The following XPC variants were observed in gnomAD, a reference collection of about 807,000 sequenced individuals.
XPC encodes the protein XPC complex subunit, DNA damage recognition and repair factor, also known as DNA repair protein complementing XP-C cells.
XPC carries 76 observed loss-of-function variants against 95.8 expected under a neutral mutation model. That is an observed-to-expected ratio of 0.79 (90% CI 0.66 to 0.96). The LOEUF is 0.96. XPC is among the 40% of genes least tolerant of loss of function. The pLI is 0.00. For missense variants in XPC, 1,146 were observed against 1,179.8 expected, an observed-to-expected ratio of 0.97 and a Z score of 0.42; for synonymous variants, 442 against 442.1, an observed-to-expected ratio of 1.00 and a Z score of 0.00.
chr3:14,161,307 A>C (rs1177789505), intron 7 of XPC, among the ~76,000 whole-genome samples: 2 of 152,216 alleles, frequency 1.3e-5, no homozygotes, highest in Non-Finnish European at 2.9e-5. Flanking sequence ...AAACGTTAGA[A>C]GAGGAAATAT....
intron 9 of XPC, among the ~76,000 whole-genome samples, chr3:14,157,326 T>C (rs993136246): frequency 6.6e-6 from 1 of 152,134 alleles, no homozygotes; most frequent in Non-Finnish European, 1.5e-5. Context: ...AATTTACCTA[T>C]CCTGAGGGAT....
At chr3:14,175,436 T>C (rs1389145308) in intron 1 of XPC, among the ~76,000 whole-genome samples, 2 of 152,302 alleles carry the variant, frequency 1.3e-5, no homozygotes, top group Non-Finnish European at 2.9e-5. Context: ...CTTATCATCA[T>C]GTGAATCCGT....
chr3:14,178,253 G>C lies in XPC; in HGVS notation c.103+213C>G, dbSNP rs111768011. On this transcript the variant is annotated intron_variant, in intron 1 of 15. Coordinates refer to ENST00000285021, the MANE Select transcript of XPC (RefSeq NM_004628.5). ...AAAAAGCTACGCAGGAGCTTGGATC[G>C]GGCGAAGCTCGCGGGAAACCGCTCT... 2,652 of 559,608 alleles carry C rather than the reference G, an allele frequency of 4.7e-3. 11 individuals are homozygous for C. The highest frequency in any genetic ancestry group is 6.5e-3 in the Non-Finnish European group (2,139 of 330,238). 34.7% of individuals were successfully genotyped at this position (559,608 alleles called of 1,614,324 possible).
At chr3:14,171,144 G>C (rs1177019861) in intron 2 of XPC, among the ~76,000 whole-genome samples, 29 of 152,200 alleles carry the variant, frequency 1.9e-4, no homozygotes, top group Admixed American at 1.9e-3. Context: ...TCAAGGCTAA[G>C]TACTTGCTGA....
At chr3:14,156,198 C>T in intron 10 of XPC, 137 bp downstream of exon 10, 3 of 1,095,408 alleles carry the variant, frequency 2.7e-6, no homozygotes, top group Admixed American at 5.4e-5. Flanking sequence ...CACACACACA[C>T]AGCACACGCA....
chr3:14,150,239 G>A (rs1390245090), intron 11 of XPC, among the ~76,000 whole-genome samples: 2 of 152,244 alleles, frequency 1.3e-5, no homozygotes, highest in Non-Finnish European at 2.9e-5. Context: ...GTCAGGCATG[G>A]GCGTGCGGCT....
At chr3:14,155,421 T>C (rs2125020227) in intron 10 of XPC, among the ~76,000 whole-genome samples, 1 of 152,284 alleles carries the variant, frequency 6.6e-6, no homozygotes, top group East Asian at 1.9e-4. Flanking sequence ...ATTTTTTTCT[T>C]ACCTCAAAAT....
Position 14,158,361 on chromosome 3 carries a change from T to G in XPC, c.1522A>C (p.Lys508Gln). 1 of 1,613,946 alleles carries G rather than the reference T, an allele frequency of 6.2e-7. No homozygotes were observed. The highest frequency in any genetic ancestry group is 8.5e-7 in the Non-Finnish European group (1 of 1,179,890). ...TCGCTGCACATTTTCTTGCCTCTTT[T>G]ACTGCTTGAAGAGCTTGAGGATGCC... ...PAASSSSSSS[K>Q]RGKKMCSDGE... The change falls in exon 9 of 16, where the codon AAA (lysine) becomes CAA (glutamine). Residue 508 changes from lysine (K) to glutamine (Q), a missense_variant. Lys to Gln is a moderately conservative substitution (Grantham distance 53, BLOSUM62 1). Coordinates refer to ENST00000285021, the MANE Select transcript of XPC (RefSeq NM_004628.5). This position sits in a 1 kb window ranked among gnomAD's most constrained non-coding sequence, Gnocchi z 5.2.
chr3:14,158,399 G>C lies in XPC; in HGVS notation c.1484C>G (p.Pro495Arg). Residue 495 changes from proline to arginine, a missense_variant, in exon 9 of 16, where the codon CCA becomes CGA. Coordinates refer to ENST00000285021, the MANE Select transcript of XPC (RefSeq NM_004628.5). The surrounding 1 kb of genome is among the most constrained non-coding windows in gnomAD (Gnocchi z 5.2). The stretch of plus-strand genomic sequence containing the variant: ...GCTTGAGGATGCCGCTGGCAAGCTT[G>C]GGTCCTTACGATGGCTCCCACGATG... ...RTHRGSHRKD[P>R]SLPAASSSSS... 1 of 1,613,848 alleles carries C rather than the reference G, an allele frequency of 6.2e-7. No homozygotes were observed. Among genetic ancestry groups the C allele is most frequent in the South Asian group, 1.1e-5 (1 of 91,076 alleles).
rs1301113073 is a variant in XPC at position 14,158,892 on chromosome 3, CCT to C, written c.991-2_991-1del. ...AATCTTTCCTTGGAAGGTTTCTTTC[CCT>C]TAAACAGAATAAGAAATTTTGCTTT... On this transcript the variant is annotated splice_acceptor_variant, in intron 8 of 15. Coordinates refer to ENST00000285021, the MANE Select transcript of XPC (RefSeq NM_004628.5). LOFTEE classifies it high-confidence loss of function. This position sits in a 1 kb window ranked among gnomAD's most constrained non-coding sequence, Gnocchi z 5.2. 1 of 1,613,848 alleles carries C rather than the reference CCT, an allele frequency of 6.2e-7. No homozygotes were observed. Among genetic ancestry groups the C allele is most frequent in the Non-Finnish European group, 8.5e-7 (1 of 1,179,880 alleles).
chr3:14,160,130 C>T (rs756881327), intron 7 of XPC, among the ~76,000 whole-genome samples: 12 of 152,070 alleles, frequency 7.9e-5, no homozygotes, highest in African/African-American at 1.9e-4. Context: ...TAGACATACA[C>T]GTATATTTGA....
Position 14,145,549 on chromosome 3 carries a change from G to A in XPC, c.*392C>T. ...AGACTCTAACTGGAAGAAACGATCA[G>A]CGCATTCACGGATGCACCACCATCC... On this transcript the variant is annotated 3_prime_UTR_variant, in exon 16 of 16. Transcript: ENST00000285021. The A allele has an allele frequency of 1.4e-6, 1 of 700,168 alleles. No homozygotes were observed. The highest frequency in any genetic ancestry group is 1.5e-5 in the South Asian group (1 of 67,282). 43.4% of individuals were successfully genotyped at this position (700,168 alleles called of 1,614,324 possible).
At chr3:14,146,898 TG>T (rs1695461285) in intron 15 of XPC, among the ~76,000 whole-genome samples, 1 of 152,128 alleles carries the variant, frequency 6.6e-6, no homozygotes, top group African/African-American at 2.4e-5. Flanking sequence ...GCAGGTGCTG[TG>T]AGAGAGGTAC....
intron 1 of XPC, among the ~76,000 whole-genome samples, chr3:14,176,102 G>A (rs556161181): frequency 3.3e-5 from 5 of 152,188 alleles, no homozygotes; most frequent in Non-Finnish European, 5.9e-5. Flanking sequence ...ATTTCACAGA[G>A]GAAATTCAGA....
rs375859472 is a variant in XPC, at chr3:14,146,143, G to A, written c.2621C>T (p.Pro874Leu). ...RYGPKSEAAAPHTDAGGGLSS... is the reference protein window; with the variant it reads ...RYGPKSEAAALHTDAGGGLSS... ...GAGTCCACCTCCTGCATCTGTGTGG[G>A]GAGCTGCTGCCTCACTCTGGACAGG... is the stretch of plus-strand genomic sequence containing the variant. The change falls in exon 16 of 16, where the codon CCC becomes CTC. Residue 874 changes from proline to leucine, a missense_variant. Pro to Leu is a moderately conservative substitution (Grantham distance 98, BLOSUM62 -3). Coordinates refer to ENST00000285021, the MANE Select transcript of XPC (RefSeq NM_004628.5). 18 of 1,608,990 alleles carry A rather than the reference G, an allele frequency of 1.1e-5. No individual in the cohort carries two copies. In the African/African-American group the frequency reaches 2.0e-4, roughly 18 times the overall value.
intron 10 of XPC, among the ~76,000 whole-genome samples, chr3:14,153,980 C>T (rs913297794): frequency 1.3e-5 from 2 of 152,046 alleles, no homozygotes; most frequent in Non-Finnish European, 2.9e-5. Context: ...CAGACAGGAG[C>T]GGGTAAAAAA....
chr3:14,158,932 C>T lies in XPC; in HGVS notation c.991-40G>A, dbSNP rs1019689561. 10 of 1,610,604 alleles carry T rather than the reference C, an allele frequency of 6.2e-6. No individual in the cohort carries two copies. The East Asian group carries it at 1.3e-4, about 22-fold the overall frequency. On this transcript the variant is annotated intron_variant, in intron 8 of 15. Coordinates refer to ENST00000285021, the MANE Select transcript of XPC (RefSeq NM_004628.5). This position sits in a 1 kb window ranked among gnomAD's most constrained non-coding sequence, Gnocchi z 5.2. ...GAAATTTTGCTTTTTTTTCTCCCCC[C>T]TCTTTTGCTAATGATATGATAGAAA...
At position 14,171,516 on chromosome 3, in the gene XPC, C is replaced by T. The variant is rs1051074448; in HGVS notation, c.300-966G>A. 3.4e-4 allele frequency among the ~76,000 whole-genome samples: 52 copies of T among 152,146 alleles called. 1 individual carries two copies. The highest frequency in any genetic ancestry group is 7.9e-4 in the Admixed American group (12 of 15,266). ...GAATTCAACTAGTGAGGGGAGGCAA[C>T]TGGAAAGCAGTAAGTTCAGAGGTAT... On this transcript the variant is annotated intron_variant, in intron 2 of 15. Coordinates refer to ENST00000285021, the MANE Select transcript of XPC (RefSeq NM_004628.5).
intron 10 of XPC, 153 bp from the exon 11 acceptor site, chr3:14,152,569 T>G (rs1574954813): frequency 1.6e-6 from 1 of 632,848 alleles, no homozygotes; most frequent in Non-Finnish European, 2.6e-6. Flanking sequence ...GAAGCTGTGC[T>G]AGGCAAACAG....
Sources: gnomAD v4.1 joint callset for allele counts (sites outside exome capture counted in the v4.1 genomes callset) on GRCh38, gnomAD v4.1.1 for gene constraint, Gnocchi (gnomAD v3.1) non-coding constraint, MANE v1.5 for transcripts, NCBI Gene and HGNC (gene_info 2026-07-23, HGNC 2026-07-21) for gene names.